Variants in PCNX1 observed in about 807,000 individuals in gnomAD.
PCNX1 encodes pecanex-like protein 1.
Under a neutral mutation model 242.2 loss-of-function variants are expected in PCNX1, and 78 were observed. The observed-to-expected ratio is 0.32, with a 90% CI of 0.27 to 0.39. The LOEUF (loss-of-function observed/expected upper bound fraction) is 0.39, where lower values mean the gene tolerates loss of function less well. PCNX1 is among the 10% of genes least tolerant of loss of function. The pLI, the probability that PCNX1 is intolerant of heterozygous loss-of-function variation, is 1.00. For missense variants in PCNX1, 2,581 were observed against 2,856.5 expected (o/e 0.90, Z 2.20); for synonymous variants, 1,024 against 1,032.9 (o/e 0.99, Z 0.17).
chr14:71,102,271 T>G, intron 31 of PCNX1, 51 bp downstream of exon 31: 3 of 1,453,674 alleles, frequency 2.1e-6, no homozygotes, highest in Non-Finnish European at 2.9e-6. Context: ...TTGAATAACT[T>G]GATCTAAAAT....
chr14:70,964,396 A>T (rs1278925987), intron 3 of PCNX1, among the ~76,000 whole-genome samples: 1 of 152,104 alleles, frequency 6.6e-6, no homozygotes, highest in African/African-American at 2.4e-5. Flanking sequence ...TTCAAATTTT[A>T]CAATGCCTGT....
intron 8 of PCNX1, among the ~76,000 whole-genome samples, chr14:71,005,231 G>A (rs1430162368): frequency 6.6e-6 from 1 of 152,114 alleles, no homozygotes; most frequent in Admixed American, 6.6e-5. Context: ...GGCTGGGCGT[G>A]GTGGCTAACA....
At chr14:71,070,060 C>T (rs1420189955) in intron 26 of PCNX1, among the ~76,000 whole-genome samples, 1 of 152,148 alleles carries the variant, frequency 6.6e-6, no homozygotes, top group African/African-American at 2.4e-5. Flanking sequence ...TTAACCAAGG[C>T]TCACAACATC....
intron 1 of PCNX1, chr14:70,942,738 G>A (rs1349215178): frequency 6.6e-6 from 1 of 152,218 alleles, no homozygotes; most frequent in East Asian, 1.9e-4. Flanking sequence ...CTGAGTCCAA[G>A]CCTTTTGGGT....
chr14:70,952,099 T>C (rs903323281), intron 2 of PCNX1, among the ~76,000 whole-genome samples: 3 of 152,202 alleles, frequency 2.0e-5, no homozygotes, highest in Non-Finnish European at 4.4e-5. Flanking sequence ...AGGAAAATAA[T>C]GGAACTCTCT....
At chr14:71,044,755 TC>T (rs984993596) in intron 19 of PCNX1, 17 of 181,882 alleles carry the variant, frequency 9.3e-5, no homozygotes, top group African/African-American at 2.6e-4. Flanking sequence ...AGCCAACTGT[TC>T]CGGGTGGACC....
intron 18 of PCNX1, among the ~76,000 whole-genome samples, chr14:71,034,580 G>T (rs952064777): frequency 6.6e-6 from 1 of 152,052 alleles, no homozygotes; most frequent in East Asian, 1.9e-4. Context: ...AATGTTGCTT[G>T]TATTCTTTTA....
At chr14:70,936,091 A>C (rs1312168295) in intron 1 of PCNX1, among the ~76,000 whole-genome samples, 1 of 152,170 alleles carries the variant, frequency 6.6e-6, no homozygotes, top group East Asian at 1.9e-4. Context: ...TATTAGATTT[A>C]TTAAAGCTAT....
chr14:71,007,485 A>G (rs986218889), intron 8 of PCNX1, among the ~76,000 whole-genome samples: 3 of 152,140 alleles, frequency 2.0e-5, no homozygotes, highest in African/African-American at 7.2e-5. Flanking sequence ...GAATTAACTT[A>G]TTTCTAAAAT....
intron 28 of PCNX1, chr14:71,078,630 A>C (rs935009461): frequency 6.6e-6 from 1 of 152,162 alleles, no homozygotes; most frequent in Non-Finnish European, 1.5e-5. Flanking sequence ...GGCTTGAACT[A>C]ATTTTTTTCT....
At position 71,076,252 on chromosome 14, in the gene PCNX1, C is replaced by A; in HGVS notation, c.5170C>A (p.Gln1724Lys). Residue 1724 changes from glutamine (Q) to lysine (K), a missense_variant, in exon 28 of 36, where the codon CAG becomes AAG. Physicochemically the swap from Gln to Lys is moderately conservative, Grantham distance 53. Coordinates refer to ENST00000304743, the MANE Select transcript of PCNX1 (RefSeq NM_014982.3). ...GGAGTGGCTAGCTAATGAGACAATGCAGGAAGGACTTCGTCTGTGTGCTGA... is the reference window on the plus strand; with the variant it reads ...GGAGTGGCTAGCTAATGAGACAATGAAGGAAGGACTTCGTCTGTGTGCTGA... ...LEEWLANETM[Q>K]EGLRLCADRN... The A allele has an allele frequency of 6.2e-7, 1 of 1,613,760 alleles. No homozygotes were observed. The highest frequency in any genetic ancestry group is 8.5e-7 in the Non-Finnish European group (1 of 1,179,872).
At chr14:70,910,226 T>C in intron 1 of PCNX1, among the ~76,000 whole-genome samples, 2 of 82,548 alleles carry the variant, frequency 2.4e-5, no homozygotes, top group African/African-American at 4.6e-5. Context: ...CTCCTCCTCC[T>C]CCTCTCACCA....
chr14:71,018,932 T>G, intron 11 of PCNX1, 77 bp from the exon 12 acceptor site: 1 of 1,228,702 alleles, frequency 8.1e-7, no homozygotes, highest in Non-Finnish European at 1.1e-6. Flanking sequence ...CATATTTATG[T>G]CTTCCCTTCC....
intron 1 of PCNX1, chr14:70,943,021 CT>C: frequency 6.5e-6 from 1 of 154,026 alleles, no homozygotes; most frequent in Non-Finnish European, 1.4e-5. Context: ...GAAGAGGTGC[CT>C]TTTGCCATGA....
chr14:70,982,987 C>G (rs1397619808), intron 6 of PCNX1, among the ~76,000 whole-genome samples: 1 of 152,192 alleles, frequency 6.6e-6, no homozygotes, highest in Non-Finnish European at 1.5e-5. Context: ...TGTGAAAATG[C>G]TTTATGTATT....
chr14:70,909,129 G>T (rs2055711220), intron 1 of PCNX1, among the ~76,000 whole-genome samples: 1 of 152,190 alleles, frequency 6.6e-6, no homozygotes, highest in African/African-American at 2.4e-5. Flanking sequence ...AAAAGGTGAG[G>T]ACACCCAATT....
intron 26 of PCNX1, among the ~76,000 whole-genome samples, chr14:71,060,293 A>G (rs1297373875): frequency 3.9e-5 from 6 of 152,212 alleles, no homozygotes; most frequent in Admixed American, 6.5e-5. Context: ...TATGTACAGT[A>G]CATAGTACTA....
chr14:70,987,837 T>C (rs937294514), intron 6 of PCNX1, among the ~76,000 whole-genome samples: 11 of 152,212 alleles, frequency 7.2e-5, no homozygotes, highest in Middle Eastern at 3.2e-3. Context: ...CATTTTTGCT[T>C]GTTTGTACTT....
chr14:71,055,510 A>G lies in PCNX1; in HGVS notation c.4584A>G (p.Lys1528=), dbSNP rs1238269526. 3 of 1,598,128 alleles carry G rather than the reference A, an allele frequency of 1.9e-6. No homozygotes were observed. Among genetic ancestry groups the G allele is most frequent in the Non-Finnish European group, 2.6e-6 (3 of 1,166,776 alleles). The change falls in exon 25 of 36, where the codon AAA becomes AAG. Residue 1528 remains lysine, a synonymous_variant. Transcript: ENST00000304743. ...AATGTTTTATTTTCTTTAGCACAAA[A>G]CGAGTGGATCATTCAAATACCAGAT... ...VKFWERDYNT[K]RVDHSNTRLA...
Sources: allele counts gnomAD v4.1 joint callset (sites outside exome capture counted in the v4.1 genomes callset), GRCh38; gene constraint gnomAD v4.1.1; transcripts MANE v1.5; gene names NCBI Gene and HGNC (gene_info 2026-07-23, HGNC 2026-07-21).